Variants in SRBD1 observed in about 807,000 individuals in gnomAD.
SRBD1 encodes S1 RNA binding domain 1, also known as S1 RNA-binding domain-containing protein 1.
In SRBD1, 88 loss-of-function variants were observed where a neutral mutation model predicts 115.3. The observed-to-expected ratio is 0.76, with a 90% CI of 0.64 to 0.91. SRBD1 has a LOEUF of 0.91. Among genes scored for constraint, SRBD1 ranks in the 40% least tolerant of loss-of-function variants. SRBD1 has a pLI of 0.00. For synonymous variants in SRBD1, 509 were observed against 407.7 expected (o/e 1.25, Z -2.99); for missense variants, 1,385 against 1,177.4 (o/e 1.18, Z -2.58).
chr2:45,610,465 C>T (rs1424371835), intron 1 of SRBD1, among the ~76,000 whole-genome samples: 2 of 152,182 alleles, frequency 1.3e-5, no homozygotes, highest in African/African-American at 4.8e-5. Context: ...AATCTGAGAC[C>T]CAATGAGGTG....
chr2:45,415,694 GAGAGGAGA>G (rs1667805604), intron 18 of SRBD1, among the ~76,000 whole-genome samples: 1 of 4,278 alleles, frequency 2.3e-4, no homozygotes, highest in Admixed American at 1.9e-3. Context: ...GACGGGAGAG[GAGAGGAGA>G]GGAGAGGAGA....
chr2:45,410,735 T>C lies in SRBD1; in HGVS notation c.2513+2379A>G, dbSNP rs142988102. Among the ~76,000 whole-genome samples, 382 of 152,244 alleles carry C rather than the reference T, an allele frequency of 2.5e-3. 4 individuals carry two copies. Among genetic ancestry groups the C allele is most frequent in the African/African-American group, 8.6e-3 (359 of 41,542 alleles). On this transcript the variant is annotated intron_variant, in intron 19 of 20. Transcript: ENST00000263736. Reference sequence around the variant, plus strand: ...GAGGGGAGAAGGGCTGAAGGTCGAGTTGATCACTAATGGCCAATGATTCAA... The same window carrying C: ...GAGGGGAGAAGGGCTGAAGGTCGAGCTGATCACTAATGGCCAATGATTCAA...
chr2:45,470,059 A>G lies in SRBD1; in HGVS notation c.2049+6934T>C, dbSNP rs147945129. ...AGTCACCTAGGTGACCGGGCATGGGACAGACTCTTTTCTGTATCCCACTTT... is the reference window on the plus strand; with the variant it reads ...AGTCACCTAGGTGACCGGGCATGGGGCAGACTCTTTTCTGTATCCCACTTT... On this transcript the variant is annotated intron_variant, in intron 16 of 20. Transcript: ENST00000263736. Among the ~76,000 whole-genome samples, 850 of 152,296 alleles carry G rather than the reference A, an allele frequency of 5.6e-3. 4 individuals are homozygous for G. Among genetic ancestry groups the G allele is most frequent in the African/African-American group, 0.013 (520 of 41,568 alleles).
At chr2:45,442,635 A>G (rs1668704341) in intron 16 of SRBD1, among the ~76,000 whole-genome samples, 1 of 152,244 alleles carries the variant, frequency 6.6e-6, no homozygotes, top group Non-Finnish European at 1.5e-5. Flanking sequence ...AAACAGCTAT[A>G]TGAGCAAGAT....
At chr2:45,610,910 A>G (rs1251678490) in intron 1 of SRBD1, among the ~76,000 whole-genome samples, 1 of 144,022 alleles carries the variant, frequency 6.9e-6, no homozygotes, top group East Asian at 2.1e-4. Context: ...CCTGGGCGAC[A>G]GAGGGAGACT....
intron 18 of SRBD1, among the ~76,000 whole-genome samples, chr2:45,414,785 C>T (rs200478439): frequency 0.046 from 2,513 of 54,594 alleles, 160 homozygotes; most frequent in African/African-American, 0.086. Context: ...TACACACACA[C>T]ATAGTGTGTA....
At chr2:45,579,836 A>C (rs1268099746) in intron 7 of SRBD1, 39 bp downstream of exon 7, 2 of 1,480,738 alleles carry the variant, frequency 1.4e-6, no homozygotes, top group East Asian at 2.4e-5. Context: ...AAAAAAAAAA[A>C]AAAGAAACAA....
chr2:45,552,882 C>T (rs1672347173), intron 11 of SRBD1, among the ~76,000 whole-genome samples: 1 of 152,064 alleles, frequency 6.6e-6, no homozygotes. Flanking sequence ...AGAAACAAGC[C>T]CTACATAGGC....
intron 14 of SRBD1, among the ~76,000 whole-genome samples, chr2:45,501,266 T>A (rs544021254): frequency 1.3e-5 from 2 of 152,320 alleles, no homozygotes; most frequent in African/African-American, 2.4e-5. Flanking sequence ...TTTAAAAAAA[T>A]TTTTTGATTT....
At chr2:45,470,080 A>T (rs1035291809) in intron 16 of SRBD1, among the ~76,000 whole-genome samples, 8 of 152,328 alleles carry the variant, frequency 5.3e-5, no homozygotes, top group African/African-American at 1.7e-4. Flanking sequence ...TCTGTATCCC[A>T]CTTTACTATG....
chr2:45,453,349 T>C (rs932673250), intron 16 of SRBD1, among the ~76,000 whole-genome samples: 3 of 151,874 alleles, frequency 2.0e-5, no homozygotes, highest in African/African-American at 7.2e-5. Context: ...GACAGACTCC[T>C]TGGTGGCCCC....
intron 9 of SRBD1, chr2:45,568,045 G>A (rs866441343): frequency 4.1e-4 from 63 of 152,264 alleles, no homozygotes; most frequent in African/African-American, 1.4e-3. Flanking sequence ...GGGTTAAAGC[G>A]GAATTACTGC....
intron 16 of SRBD1, among the ~76,000 whole-genome samples, chr2:45,444,315 G>C (rs1251842010): frequency 6.6e-6 from 1 of 152,148 alleles, no homozygotes; most frequent in Non-Finnish European, 1.5e-5. Flanking sequence ...TGAGGTGGGA[G>C]AGTCACTTGA....
chr2:45,501,574 T>C (rs1229354632), intron 14 of SRBD1, among the ~76,000 whole-genome samples: 1 of 152,048 alleles, frequency 6.6e-6, no homozygotes, highest in East Asian at 1.9e-4. Flanking sequence ...ACCTGGAAAA[T>C]CGAGTCACTC....
chr2:45,485,074 T>C (rs1185346494), intron 15 of SRBD1, among the ~76,000 whole-genome samples: 1 of 152,216 alleles, frequency 6.6e-6, no homozygotes, highest in Non-Finnish European at 1.5e-5. Flanking sequence ...AGTACCTGTT[T>C]TCAATTTTTC....
chr2:45,583,745 T>C (rs1346128489), intron 5 of SRBD1, among the ~76,000 whole-genome samples: 1 of 152,058 alleles, frequency 6.6e-6, no homozygotes, highest in Non-Finnish European at 1.5e-5. Flanking sequence ...AAAATAAAGA[T>C]CATATCTCAT....
At chr2:45,461,818 A>G (rs1379238806) in intron 16 of SRBD1, among the ~76,000 whole-genome samples, 1 of 152,180 alleles carries the variant, frequency 6.6e-6, no homozygotes, top group Non-Finnish European at 1.5e-5. Context: ...ATTCATTGAG[A>G]GCTTAGAATA....
At chr2:45,519,049 T>C (rs1223814007) in intron 14 of SRBD1, among the ~76,000 whole-genome samples, 1 of 151,314 alleles carries the variant, frequency 6.6e-6, no homozygotes, top group East Asian at 1.9e-4. Flanking sequence ...AATTGGTAGG[T>C]AAGACAAAAA....
At chr2:45,561,461 A>T (rs964388746) in intron 10 of SRBD1, among the ~76,000 whole-genome samples, 1 of 152,374 alleles carries the variant, frequency 6.6e-6, no homozygotes, top group East Asian at 1.9e-4. Flanking sequence ...TGAATGAGAT[A>T]ACTGATTTCC....
Sources: gnomAD v4.1 joint callset for allele counts (sites outside exome capture counted in the v4.1 genomes callset) on GRCh38, gnomAD v4.1.1 for gene constraint, MANE v1.5 for transcripts, NCBI Gene and HGNC (gene_info 2026-07-23, HGNC 2026-07-21) for gene names.